SLC2A13: variants seen among roughly 807,000 people sequenced by gnomAD.
SLC2A13 encodes the protein proton myo-inositol cotransporter.
In SLC2A13, 32 loss-of-function variants were observed where a neutral mutation model predicts 64.4. The ratio of observed to expected loss-of-function variants is 0.50; its 90% CI spans 0.37 to 0.67. The LOEUF (loss-of-function observed/expected upper bound fraction) is 0.67. Among genes scored for constraint, SLC2A13 ranks in the 30% least tolerant of loss-of-function variants. The probability of loss-of-function intolerance (pLI) is 0.00; values close to 1 mark genes in which losing one functional copy is unlikely to be tolerated. For missense variants in SLC2A13, 743 were observed against 829.2 expected (o/e 0.90, Z 1.28); for synonymous variants, 338 against 327.1 (o/e 1.03, Z -0.36).
intron 4 of SLC2A13, among the ~76,000 whole-genome samples, chr12:39,911,461 T>A (rs900732287): frequency 1.3e-5 from 2 of 152,036 alleles, no homozygotes; most frequent in Middle Eastern, 3.2e-3. Flanking sequence ...ATCTCTATGA[T>A]AAACAGATTT....
chr12:40,010,855 G>A (rs983554521), intron 3 of SLC2A13, among the ~76,000 whole-genome samples: 1 of 152,138 alleles, frequency 6.6e-6, no homozygotes, highest in Non-Finnish European at 1.5e-5. Flanking sequence ...CGCATCACAA[G>A]TGCCAGGGCG....
intron 1 of SLC2A13, chr12:40,068,371 A>AATAATAATAAACTGGT: frequency 2.9e-6 from 1 of 342,560 alleles, no homozygotes; most frequent in South Asian, 2.3e-5. Flanking sequence ...TTACCACTGT[A>AATAATAATAAACTGGT]GTGATGAACA....
intron 6 of SLC2A13, among the ~76,000 whole-genome samples, chr12:39,838,942 C>A (rs1259971452): frequency 6.6e-6 from 1 of 152,050 alleles, no homozygotes; most frequent in Non-Finnish European, 1.5e-5. Flanking sequence ...CCCTAAATTT[C>A]AGAAAATCAA....
At chr12:40,024,921 C>T (rs1264085245) in intron 3 of SLC2A13, among the ~76,000 whole-genome samples, 1 of 152,200 alleles carries the variant, frequency 6.6e-6, no homozygotes, top group East Asian at 1.9e-4. Context: ...AAGTTTGAGA[C>T]ACAGCCAGTG....
chr12:40,076,618 T>G (rs2136277296), intron 1 of SLC2A13, among the ~76,000 whole-genome samples: 1 of 152,260 alleles, frequency 6.6e-6, no homozygotes, highest in South Asian at 2.1e-4. Context: ...GAACATATGT[T>G]TGCATGTGTC....
At chr12:39,760,967 C>CACACACACACACACACACACACACACAT in intron 9 of SLC2A13, among the ~76,000 whole-genome samples, 1 of 151,096 alleles carries the variant, frequency 6.6e-6, no homozygotes, top group African/African-American at 2.4e-5. Flanking sequence ...CACACACACA[C>CACACACACACACACACACACACACACAT]ACACACATAA....
chr12:39,857,590 T>C (rs1943641595), intron 6 of SLC2A13, among the ~76,000 whole-genome samples: 1 of 152,194 alleles, frequency 6.6e-6, no homozygotes, highest in East Asian at 1.9e-4. Flanking sequence ...CTGTAATCAA[T>C]TTTCCACTCT....
chr12:39,772,771 A>C (rs1940630196), intron 7 of SLC2A13, among the ~76,000 whole-genome samples: 1 of 152,172 alleles, frequency 6.6e-6, no homozygotes, highest in Non-Finnish European at 1.5e-5. Flanking sequence ...TGTGGCAATG[A>C]AGTAGGATAC....
intron 7 of SLC2A13, among the ~76,000 whole-genome samples, chr12:39,773,269 A>G (rs1033867125): frequency 2.0e-5 from 3 of 152,200 alleles, no homozygotes; most frequent in Non-Finnish European, 4.4e-5. Flanking sequence ...GCAGAATTGC[A>G]TGCAATCAGG....
rs573833856 is a variant in SLC2A13 at position 39,857,457 on chromosome 12, C to G, written c.1319+7305G>C. ...TCTATTATCCAGCTAATCACCCAGC[C>G]TTGCCATTCCCCTCCAAAATATCTC... On this transcript the variant is annotated intron_variant, in intron 6 of 9. Coordinates refer to ENST00000280871, the MANE Select transcript of SLC2A13 (RefSeq NM_052885.4). Among the ~76,000 whole-genome samples, 57 of 152,274 alleles carry G rather than the reference C, an allele frequency of 3.7e-4. 1 individual carries two copies. Among genetic ancestry groups the G allele is most frequent in the African/African-American group, 1.3e-3 (56 of 41,556 alleles).
intron 7 of SLC2A13, 36 bp downstream of exon 7, chr12:39,830,064 ATAT>A: frequency 1.9e-6 from 3 of 1,612,108 alleles, no homozygotes; most frequent in Non-Finnish European, 2.5e-6. Flanking sequence ...TCGTTTTGAA[ATAT>A]TATTATATAT....
intron 1 of SLC2A13, among the ~76,000 whole-genome samples, chr12:40,058,842 TG>T (rs1188450052): frequency 2.0e-5 from 3 of 152,346 alleles, no homozygotes; most frequent in African/African-American, 4.8e-5. Context: ...CTACATTATA[TG>T]ACAAACACTT....
chr12:39,821,409 CA>C (rs553327490), intron 7 of SLC2A13, among the ~76,000 whole-genome samples: 21 of 144,110 alleles, frequency 1.5e-4, no homozygotes, highest in South Asian at 4.5e-4. Context: ...GACTCCGTCT[CA>C]AAAAAAAAAA....
chr12:39,905,858 T>C (rs1945261271), intron 4 of SLC2A13, among the ~76,000 whole-genome samples: 1 of 151,680 alleles, frequency 6.6e-6, no homozygotes, highest in South Asian at 2.1e-4. Flanking sequence ...GGATAACTTA[T>C]TCTACTGTCT....
At chr12:40,094,189 G>A (rs1176519153) in intron 1 of SLC2A13, among the ~76,000 whole-genome samples, 1 of 152,210 alleles carries the variant, frequency 6.6e-6, no homozygotes, top group Non-Finnish European at 1.5e-5. Context: ...AGCCCCAGGA[G>A]GAATGCTCTG....
chr12:39,854,141 C>G (rs7315452), intron 6 of SLC2A13, among the ~76,000 whole-genome samples: 110,014 of 151,712 alleles, frequency 0.73, 40,596 homozygotes, highest in African/African-American at 0.86. Flanking sequence ...CTAAGGGAGG[C>G]AGGTGGACAG....
chr12:39,794,319 TGACA>T (rs928444986), intron 7 of SLC2A13, among the ~76,000 whole-genome samples: 1 of 152,150 alleles, frequency 6.6e-6, no homozygotes, highest in Admixed American at 6.6e-5. Context: ...CAAGAATTTC[TGACA>T]GACACTCTTT....
chr12:39,967,325 C>T (rs1187735247), intron 3 of SLC2A13, among the ~76,000 whole-genome samples: 2 of 152,222 alleles, frequency 1.3e-5, no homozygotes, highest in East Asian at 3.9e-4. Context: ...TTATTGATGA[C>T]TTATTTATGC....
At chr12:39,950,650 GA>G (rs1946210820) in intron 4 of SLC2A13, 1 of 152,162 alleles carries the variant, frequency 6.6e-6, no homozygotes, top group Non-Finnish European at 1.5e-5. Context: ...GTTTAATACT[GA>G]ATGAGGGAAA....
Sources: allele counts gnomAD v4.1 joint callset (sites outside exome capture counted in the v4.1 genomes callset), GRCh38; gene constraint gnomAD v4.1.1; transcripts MANE v1.5; gene names NCBI Gene and HGNC (gene_info 2026-07-23, HGNC 2026-07-21).